Variants in TPTE observed in about 807,000 individuals in gnomAD.
The protein encoded by TPTE is putative tyrosine-protein phosphatase TPTE.
A neutral mutation model predicts 84.1 loss-of-function variants in TPTE; 59 were observed. The observed-to-expected ratio is 0.70, with a 90% CI of 0.57 to 0.87. The LOEUF is 0.87. Among genes scored for constraint, TPTE ranks in the 40% least tolerant of loss-of-function variants. The pLI is 0.00. For missense variants in TPTE, 382 were observed against 659.6 expected (o/e 0.58, Z 4.61); for synonymous variants, 130 against 223.5 (o/e 0.58, Z 3.73).
intron 7 of TPTE, among the ~76,000 whole-genome samples, chr21:10,547,022 T>C (rs1186564099): frequency 6.6e-6 from 1 of 152,118 alleles, no homozygotes. Context: ...TCTAGGACTT[T>C]TATATTTAGA....
At chr21:10,596,618 AAGC>A (rs1177934627) in intron 20 of TPTE, among the ~76,000 whole-genome samples, 2 of 152,306 alleles carry the variant, frequency 1.3e-5, no homozygotes, top group Non-Finnish European at 1.5e-5. Context: ...GGAGGTGGGA[AAGC>A]AGGATGTGTC....
intron 4 of TPTE, among the ~76,000 whole-genome samples, chr21:10,540,185 C>G (rs1257296584): frequency 6.6e-6 from 1 of 152,306 alleles, no homozygotes; most frequent in Non-Finnish European, 1.5e-5. Flanking sequence ...GTAGGCTGGC[C>G]AATGCACCAT....
At chr21:10,527,483 C>T (rs1370568981) in intron 3 of TPTE, 71 bp downstream of exon 3, 1 of 152,768 alleles carries the variant, frequency 6.5e-6, no homozygotes, top group African/African-American at 2.4e-5. Context: ...CTATCAGAGA[C>T]TTTAAGCATC....
At chr21:10,533,503 C>G (rs1048933053) in intron 3 of TPTE, among the ~76,000 whole-genome samples, 6 of 152,416 alleles carry the variant, frequency 3.9e-5, no homozygotes, top group African/African-American at 1.4e-4. Context: ...GGTTTGTGAA[C>G]TCAGATTTTT....
At chr21:10,593,713 T>C (rs1306458939) in intron 19 of TPTE, among the ~76,000 whole-genome samples, 3 of 152,308 alleles carry the variant, frequency 2.0e-5, no homozygotes, top group African/African-American at 7.2e-5. Context: ...TAGATGTCAG[T>C]CTCTGAAGCC....
intron 23 of TPTE, 92 bp downstream of exon 23, chr21:10,603,724 C>T: frequency 6.0e-6 from 9 of 1,491,690 alleles, no homozygotes; most frequent in Admixed American, 2.0e-5. Flanking sequence ...TTGTCATAAA[C>T]TTAATTTATA....
intron 17 of TPTE, among the ~76,000 whole-genome samples, chr21:10,586,686 CTA>C (rs1174355403): frequency 6.6e-6 from 1 of 152,298 alleles, no homozygotes; most frequent in African/African-American, 2.4e-5. Flanking sequence ...TACTGTTTTT[CTA>C]TGTTTTTAGT....
At chr21:10,597,230 G>A (rs1170210427) in intron 20 of TPTE, among the ~76,000 whole-genome samples, 17 of 152,052 alleles carry the variant, frequency 1.1e-4, no homozygotes, top group African/African-American at 3.9e-4. Context: ...GGAATTTTTG[G>A]ATATAACTAT....
chr21:10,569,662 A>G (rs754890553), intron 12 of TPTE, 21 bp from the exon 13 acceptor site: 6 of 1,614,014 alleles, frequency 3.7e-6, no homozygotes, highest in Non-Finnish European at 4.2e-6. Flanking sequence ...TCACAAACTA[A>G]TGACGATTTT....
At chr21:10,567,438 C>CTTTCAACTTAT in intron 10 of TPTE, among the ~76,000 whole-genome samples, 2 of 136,048 alleles carry the variant, frequency 1.5e-5, no homozygotes, top group East Asian at 2.2e-4. Flanking sequence ...TTTGAATTGC[C>CTTTCAACTTAT]ATGTTGGTGT....
chr21:10,571,931 G>A (rs1350845182), intron 14 of TPTE, among the ~76,000 whole-genome samples: 2 of 152,288 alleles, frequency 1.3e-5, no homozygotes, highest in African/African-American at 4.8e-5. Flanking sequence ...CTTGAATCCA[G>A]GAGGTGGAGG....
intron 10 of TPTE, among the ~76,000 whole-genome samples, chr21:10,565,033 AAAAG>A (rs2074892376): frequency 6.6e-6 from 1 of 152,308 alleles, no homozygotes; most frequent in African/African-American, 2.4e-5. Flanking sequence ...AGGGAATAAA[AAAAG>A]AAATCCAAAT....
At chr21:10,564,526 AAAAC>A (rs1175144877) in intron 10 of TPTE, among the ~76,000 whole-genome samples, 14 of 152,298 alleles carry the variant, frequency 9.2e-5, no homozygotes, top group Admixed American at 2.6e-4. Context: ...AATAAAAATA[AAAAC>A]AAACCCAAAA....
chr21:10,577,655 A>G (rs1202925389), intron 15 of TPTE, 135 bp downstream of exon 15: 11 of 1,532,316 alleles, frequency 7.2e-6, no homozygotes, highest in South Asian at 2.4e-5. Flanking sequence ...AAAAATCCCC[A>G]TCTTGGACTG....
At chr21:10,603,941 T>A (rs1469987459) in intron 23 of TPTE, among the ~76,000 whole-genome samples, 1 of 152,308 alleles carries the variant, frequency 6.6e-6, no homozygotes, top group African/African-American at 2.4e-5. Context: ...ATGAGGCTGC[T>A]CAGCACCTTC....
chr21:10,535,218 C>T (rs987318908), intron 3 of TPTE, among the ~76,000 whole-genome samples: 1 of 152,310 alleles, frequency 6.6e-6, no homozygotes, highest in Non-Finnish European at 1.5e-5. Flanking sequence ...ATTCCCCAGC[C>T]CACAGCCAAT....
At chr21:10,564,720 C>T (rs2074881887) in intron 10 of TPTE, among the ~76,000 whole-genome samples, 3 of 152,308 alleles carry the variant, frequency 2.0e-5, no homozygotes, top group South Asian at 2.1e-4. Context: ...CAATGCGATA[C>T]ATTATATCCA....
chr21:10,526,353 G>A (rs1299038556), intron 2 of TPTE, among the ~76,000 whole-genome samples: 1 of 152,306 alleles, frequency 6.6e-6, no homozygotes, highest in Non-Finnish European at 1.5e-5. Flanking sequence ...CTTAAAGGTT[G>A]GAGCTATTGA....
intron 22 of TPTE, among the ~76,000 whole-genome samples, 172 bp from the exon 23 acceptor site, chr21:10,603,390 A>G (rs1469819125): frequency 6.6e-6 from 1 of 152,312 alleles, no homozygotes; most frequent in Non-Finnish European, 1.5e-5. Flanking sequence ...CATTTTCTTA[A>G]AGCCTCCTCC....
Sources: gnomAD v4.1 joint callset for allele counts (sites outside exome capture counted in the v4.1 genomes callset) on GRCh38, gnomAD v4.1.1 for gene constraint, MANE v1.5 for transcripts, NCBI Gene and HGNC (gene_info 2026-07-23, HGNC 2026-07-21) for gene names.